The following SNX29 variants were observed in gnomAD, a reference collection of about 807,000 sequenced individuals.
The protein encoded by SNX29 is sorting nexin-29.
Under a neutral mutation model 102.1 loss-of-function variants are expected in SNX29, and 78 were observed. That is an observed-to-expected ratio of 0.76 (90% CI 0.64 to 0.92). The LOEUF (loss-of-function observed/expected upper bound fraction) is 0.92. Ranked by LOEUF, SNX29 falls within the 40% of genes least tolerant of loss-of-function variation. The pLI is 0.00. For synonymous variants in SNX29, 580 were observed against 414.5 expected (o/e 1.40, Z -4.85); for missense variants, 1,280 against 1,061.7 (o/e 1.21, Z -2.86).
chr16:12,067,700 C>T (rs1387931928), intron 9 of SNX29, among the ~76,000 whole-genome samples: 1 of 152,156 alleles, frequency 6.6e-6, no homozygotes, highest in South Asian at 2.1e-4. Flanking sequence ...GTTAGCCAGG[C>T]TGGTCTCGAA....
chr16:12,211,697 T>G (rs2077188214), intron 14 of SNX29, among the ~76,000 whole-genome samples: 1 of 152,182 alleles, frequency 6.6e-6, no homozygotes, highest in Admixed American at 6.5e-5. Context: ...GAGAAACTGA[T>G]GTTGCAACTC....
At chr16:12,550,770 G>A (rs1039795117) in intron 20 of SNX29, among the ~76,000 whole-genome samples, 2 of 148,746 alleles carry the variant, frequency 1.3e-5, no homozygotes, top group African/African-American at 5.0e-5. Flanking sequence ...AAAAAGTGTA[G>A]AGGCTGAATA....
At chr16:12,512,747 C>G (rs1412948184) in intron 19 of SNX29, among the ~76,000 whole-genome samples, 1 of 152,124 alleles carries the variant, frequency 6.6e-6, no homozygotes, top group African/African-American at 2.4e-5. Flanking sequence ...CTGTTCACTT[C>G]TCCTCACAGG....
intron 18 of SNX29, among the ~76,000 whole-genome samples, chr16:12,439,566 A>C (rs1040302995): frequency 2.6e-4 from 39 of 152,360 alleles, no homozygotes; most frequent in African/African-American, 9.1e-4. Flanking sequence ...GTTTCCCCTC[A>C]TAAAAGCATC....
chr16:12,196,176 A>G (rs1056476514), intron 13 of SNX29, among the ~76,000 whole-genome samples: 2 of 151,796 alleles, frequency 1.3e-5, no homozygotes, highest in African/African-American at 2.4e-5. Context: ...GGGTTTCACC[A>G]TGTTGCCCAG....
intron 20 of SNX29, among the ~76,000 whole-genome samples, chr16:12,541,920 C>A (rs1009417956): frequency 6.6e-6 from 1 of 152,182 alleles, no homozygotes; most frequent in Non-Finnish European, 1.5e-5. Flanking sequence ...CCACTGATTG[C>A]CCACGGTACA....
chr16:12,029,843 C>G (rs553652400), intron 4 of SNX29: 1 of 341,746 alleles, frequency 2.9e-6, no homozygotes, highest in African/African-American at 2.2e-5. Context: ...CTGCCCGCCT[C>G]GACCTCCCAA....
intron 11 of SNX29, among the ~76,000 whole-genome samples, chr16:12,121,599 A>G (rs1182709925): frequency 6.6e-6 from 1 of 152,130 alleles, no homozygotes. Context: ...CCGCTTTGCC[A>G]GACTCGGCAC....
chr16:12,474,723 T>G lies in SNX29; in HGVS notation c.2038-2996T>G, dbSNP rs373929349. Among the ~76,000 whole-genome samples the G allele has an allele frequency of 5.3e-5, 8 of 152,272 alleles. No homozygotes were observed. In the East Asian group the frequency reaches 9.6e-4, roughly 18 times the overall value. On this transcript the variant is annotated intron_variant, in intron 18 of 20. Transcript: ENST00000566228. ...CAATTTATCATTGGAGGCTTTACCC[T>G]GTGGGCTGTTCTTAACTCGGGTAAT...
rs758238794 is a variant in SNX29 at position 12,481,465 on chromosome 16, T to C, written c.2178+3606T>C. On this transcript the variant is annotated intron_variant, in intron 19 of 20. Coordinates refer to ENST00000566228, the MANE Select transcript of SNX29 (RefSeq NM_032167.5). ...ACACACACATATATACATATATATA[T>C]ACACATATATACACACATATATATA... 3.7e-3 allele frequency among the ~76,000 whole-genome samples: 378 copies of C among 102,656 alleles called. 1 individual carries two copies. Among genetic ancestry groups the C allele is most frequent in the Non-Finnish European group, 6.7e-3 (290 of 42,964 alleles). 67.3% of individuals were successfully genotyped at this position (102,656 alleles called of 152,430 possible).
intron 19 of SNX29, among the ~76,000 whole-genome samples, chr16:12,520,002 TAAA>T (rs1197786641): frequency 2.0e-5 from 3 of 149,432 alleles, no homozygotes; most frequent in African/African-American, 5.1e-5. Flanking sequence ...AAAATAAAAA[TAAA>T]AATAATAATA....
intron 13 of SNX29, among the ~76,000 whole-genome samples, chr16:12,191,929 C>T (rs1331349978): frequency 6.6e-6 from 1 of 152,178 alleles, no homozygotes; most frequent in Non-Finnish European, 1.5e-5. Flanking sequence ...CTACTCAGTA[C>T]CTGCTGGACG....
intron 15 of SNX29, among the ~76,000 whole-genome samples, chr16:12,329,670 C>A (rs986756541): frequency 2.0e-5 from 3 of 152,234 alleles, no homozygotes; most frequent in African/African-American, 4.8e-5. Flanking sequence ...AGCTGCTAAG[C>A]ATGTTTTTCT....
At chr16:12,175,565 C>T (rs983061697) in intron 13 of SNX29, among the ~76,000 whole-genome samples, 3 of 151,888 alleles carry the variant, frequency 2.0e-5, no homozygotes, top group Admixed American at 6.6e-5. Context: ...GCACAAGAAT[C>T]TCTTGAACCT....
At chr16:12,274,468 CTG>C (rs1298283119) in intron 14 of SNX29, among the ~76,000 whole-genome samples, 2 of 151,914 alleles carry the variant, frequency 1.3e-5, no homozygotes, top group African/African-American at 4.8e-5. Flanking sequence ...ATTTCCTCTT[CTG>C]TGTGTTATCT....
At chr16:12,219,463 C>T (rs1049842999) in intron 14 of SNX29, among the ~76,000 whole-genome samples, 38 of 152,248 alleles carry the variant, frequency 2.5e-4, no homozygotes, top group African/African-American at 7.9e-4. Context: ...TTTTAGCAAA[C>T]GCCACTTGTG....
chr16:12,291,248 C>T (rs1258650027), intron 15 of SNX29, among the ~76,000 whole-genome samples: 2 of 152,168 alleles, frequency 1.3e-5, no homozygotes, highest in Non-Finnish European at 2.9e-5. Flanking sequence ...GCTTAATGGA[C>T]TCACAGTTCC....
rs979491131 is a variant in SNX29 at position 12,571,959 on chromosome 16, A to C, written c.*3330A>C. On this transcript the variant is annotated 3_prime_UTR_variant, in exon 21 of 21. Transcript: ENST00000566228. Reference sequence around the variant, plus strand: ...ACACTTTCAGGGAAGAGGCTCTTACAGTCTATGGTGGTAGCCATCTTCACA... The same window carrying C: ...ACACTTTCAGGGAAGAGGCTCTTACCGTCTATGGTGGTAGCCATCTTCACA... The C allele has an allele frequency of 9.4e-7, 1 of 1,061,592 alleles. No individual in the cohort carries two copies. The highest frequency in any genetic ancestry group is 1.1e-6 in the Non-Finnish European group (1 of 876,980). 65.8% of individuals were successfully genotyped at this position (1,061,592 alleles called of 1,614,324 possible).
At chr16:12,505,064 A>G (rs2151903502) in intron 19 of SNX29, among the ~76,000 whole-genome samples, 1 of 152,330 alleles carries the variant, frequency 6.6e-6, no homozygotes, top group African/African-American at 2.4e-5. Context: ...GAGCTCAGGA[A>G]TTTAAGACCA....
Sources: gnomAD v4.1 joint callset for allele counts (sites outside exome capture counted in the v4.1 genomes callset) on GRCh38, gnomAD v4.1.1 for gene constraint, MANE v1.5 for transcripts, NCBI Gene and HGNC (gene_info 2026-07-23, HGNC 2026-07-21) for gene names.